Variants in PCDHA6 observed in about 807,000 individuals in gnomAD.
PCDHA6 encodes protocadherin alpha-6.
In PCDHA6, 55 loss-of-function variants were observed where a neutral mutation model predicts 60.3. The observed-to-expected ratio is 0.91, with a 90% CI of 0.73 to 1.14. The LOEUF is 1.14. Ranked by LOEUF, PCDHA6 falls within the 50% of genes most tolerant of loss-of-function variation. The probability of loss-of-function intolerance (pLI) is 0.00; values close to 1 mark genes in which losing one functional copy is unlikely to be tolerated. For synonymous variants in PCDHA6, 652 were observed against 557.9 expected (o/e 1.17, Z -2.38); for missense variants, 1,327 against 1,256.5 (o/e 1.06, Z -0.85).
chr5:140,877,028 C>T (rs367864661), intron 1 of PCDHA6: 1 of 1,612,352 alleles, frequency 6.2e-7, no homozygotes, highest in Non-Finnish European at 8.5e-7. Flanking sequence ...AAGGTGTACG[C>T]GCTGCAGCCG....
intron 1 of PCDHA6, among the ~76,000 whole-genome samples, chr5:140,888,287 C>A (rs1371852276): frequency 6.6e-6 from 1 of 152,072 alleles, no homozygotes; most frequent in Non-Finnish European, 1.5e-5. Context: ...CCCCTCTACC[C>A]CCTACCCAGG....
intron 3 of PCDHA6, among the ~76,000 whole-genome samples, chr5:140,993,956 C>T (rs2097588909): frequency 6.6e-6 from 1 of 152,140 alleles, no homozygotes; most frequent in Admixed American, 6.5e-5. Flanking sequence ...TGATACATGA[C>T]TGTAGTCATC....
intron 1 of PCDHA6, chr5:140,863,343 G>A (rs781977341): frequency 6.7e-6 from 9 of 1,338,226 alleles, no homozygotes; most frequent in Non-Finnish European, 5.2e-6. Context: ...CGTTGCTGCT[G>A]TACACGACGC....
intron 1 of PCDHA6, among the ~76,000 whole-genome samples, chr5:140,839,584 CT>C (rs1237796320): frequency 6.6e-6 from 1 of 151,868 alleles, no homozygotes; most frequent in Non-Finnish European, 1.5e-5. Flanking sequence ...GAGATGGGGT[CT>C]TACCATGTTG....
At chr5:140,942,619 T>A in intron 1 of PCDHA6, among the ~76,000 whole-genome samples, 1 of 148,900 alleles carries the variant, frequency 6.7e-6, no homozygotes. Context: ...TTGCCAATTG[T>A]AAAAAAAAAA....
intron 1 of PCDHA6, chr5:140,842,947 G>A: frequency 6.3e-7 from 1 of 1,594,658 alleles, no homozygotes; most frequent in Non-Finnish European, 8.6e-7. Flanking sequence ...ACGCGGGCGT[G>A]CCGCCTCTGG....
chr5:140,928,744 C>T (rs143875858), intron 1 of PCDHA6: 3 of 1,614,144 alleles, frequency 1.9e-6, no homozygotes, highest in Admixed American at 3.3e-5. Context: ...TATAGGTGAG[C>T]TCCGTACTGC....
intron 1 of PCDHA6, chr5:140,881,303 C>A: frequency 2.1e-6 from 2 of 962,604 alleles, no homozygotes; most frequent in Non-Finnish European, 2.5e-6. Flanking sequence ...GAAACTTTAA[C>A]CTCCTGGTTA....
At chr5:140,873,260 G>A (rs1252265709) in intron 1 of PCDHA6, among the ~76,000 whole-genome samples, 2 of 152,146 alleles carry the variant, frequency 1.3e-5, no homozygotes, top group Non-Finnish European at 2.9e-5. Context: ...AGACTCAAAA[G>A]TGATTAAACC....
intron 1 of PCDHA6, chr5:140,870,710 C>T (rs782716335): frequency 6.2e-7 from 1 of 1,613,092 alleles, no homozygotes; most frequent in South Asian, 1.1e-5. Flanking sequence ...CAGGTGAGCG[C>T]GCGCGATGCG....
At chr5:140,833,928 T>C (rs954480952) in intron 1 of PCDHA6, among the ~76,000 whole-genome samples, 1 of 152,174 alleles carries the variant, frequency 6.6e-6, no homozygotes, top group Admixed American at 6.6e-5. Context: ...TAAATTCATG[T>C]TGTCACTTAG....
chr5:140,830,092 G>T lies in PCDHA6; in HGVS notation c.2001G>T (p.Val667=). The part of the protein sequence containing the change: ...PALTATATVL[V]SLVESGQAPK... The stretch of plus-strand genomic sequence containing the variant: ...TGACAGCGACGGCCACGGTTCTGGT[G>T]TCGCTGGTGGAGAGTGGCCAGGCTC... The change falls in exon 1 of 4, where the codon GTG becomes GTT. Residue 667 remains valine (V), a synonymous_variant. Coordinates refer to ENST00000529310, the MANE Select transcript of PCDHA6 (RefSeq NM_018909.4). The T allele has an allele frequency of 1.2e-6, 2 of 1,613,632 alleles. No individual in the cohort carries two copies. The highest frequency in any genetic ancestry group is 1.7e-6 in the Non-Finnish European group (2 of 1,179,876).
chr5:140,975,216 G>A (rs1349439819), intron 1 of PCDHA6, among the ~76,000 whole-genome samples: 1 of 152,198 alleles, frequency 6.6e-6, no homozygotes, highest in Non-Finnish European at 1.5e-5. Context: ...TGGCACTGGA[G>A]AATCTTCCCT....
chr5:140,954,570 T>G (rs2095058412), intron 1 of PCDHA6, among the ~76,000 whole-genome samples: 1 of 152,252 alleles, frequency 6.6e-6, no homozygotes. Context: ...GACTGTCTTC[T>G]TTTCAGAAGT....
intron 1 of PCDHA6, chr5:140,858,421 G>A (rs782781172): frequency 1.3e-6 from 2 of 1,557,082 alleles, no homozygotes; most frequent in Non-Finnish European, 1.7e-6. Flanking sequence ...CTATTGGAGG[G>A]GACCACTCTA....
Position 140,904,868 on chromosome 5 carries a change from C to T in PCDHA6, c.2395-74081C>T, listed in dbSNP as rs188578381. 2.9e-3 allele frequency among the ~76,000 whole-genome samples: 446 copies of T among 152,022 alleles called. 2 individuals are homozygous for T. Among genetic ancestry groups the T allele is most frequent in the Middle Eastern group, 0.014 (4 of 294 alleles). Reference sequence around the variant, plus strand: ...TCTTCTGAGAATTGTCTGTTTATGTCCTTAGCTCACTTTTTGATGGGATTT... The same window carrying T: ...TCTTCTGAGAATTGTCTGTTTATGTTCTTAGCTCACTTTTTGATGGGATTT... On this transcript the variant is annotated intron_variant, in intron 1 of 3. Transcript: ENST00000529310.
rs573174481 is a variant in PCDHA6 at position 140,990,482 on chromosome 5, T to C, written c.2542+7919T>C. Among the ~76,000 whole-genome samples, 3 of 152,318 alleles carry C rather than the reference T, an allele frequency of 2.0e-5. No homozygotes were observed. In the South Asian group the frequency reaches 6.2e-4, roughly 32 times the overall value. On this transcript the variant is annotated intron_variant, in intron 3 of 3. Transcript: ENST00000529310. ...AGGTGGTATCATGTATCAAGCTGAA[T>C]AGTGAGGTGACATTCCCCAAGTCTT... is the stretch of plus-strand genomic sequence containing the variant.
At chr5:140,872,005 G>A (rs961415529) in intron 1 of PCDHA6, among the ~76,000 whole-genome samples, 3 of 152,200 alleles carry the variant, frequency 2.0e-5, no homozygotes, top group Admixed American at 1.3e-4. Context: ...CTATTTACAG[G>A]TGACCTGTAG....
chr5:140,967,747 A>G (rs782650276), intron 1 of PCDHA6: 36 of 1,614,042 alleles, frequency 2.2e-5, no homozygotes, highest in Non-Finnish European at 3.0e-5. Context: ...ATTATGAGGA[A>G]GCCTCCTCCT....
Sources: allele counts gnomAD v4.1 joint callset (sites outside exome capture counted in the v4.1 genomes callset), GRCh38; gene constraint gnomAD v4.1.1; transcripts MANE v1.5; gene names NCBI Gene and HGNC (gene_info 2026-07-23, HGNC 2026-07-21).